Variants in TRIM49C observed in about 807,000 individuals in gnomAD.
The protein encoded by TRIM49C is tripartite motif containing 49C.
TRIM49C carries 6 observed loss-of-function variants against 21.4 expected under a neutral mutation model. That is an observed-to-expected ratio of 0.28 (90% CI 0.15 to 0.55). TRIM49C has a LOEUF of 0.55. TRIM49C is among the 20% of genes least tolerant of loss of function. The probability of loss-of-function intolerance (pLI) is 0.94; values close to 1 mark genes in which losing one functional copy is unlikely to be tolerated. For synonymous variants in TRIM49C, 57 were observed against 148.1 expected, an observed-to-expected ratio of 0.38 and a Z score of 4.47; for missense variants, 161 against 442.4, an observed-to-expected ratio of 0.36 and a Z score of 5.71.
the TRIM49C span, chr11:90,051,818 G>T: frequency 2.9e-6 from 1 of 345,278 alleles, no homozygotes; most frequent in Non-Finnish European, 5.2e-6. Context: ...CAAACCCCGT[G>T]TCAAGCACCC....
At chr11:90,039,741 T>A (rs3874091) in intron 6 of TRIM49C, 124 bp from the exon 7 acceptor site, 62,247 of 853,156 alleles carry the variant, frequency 0.073, 9,184 homozygotes, top group African/African-American at 0.21. Flanking sequence ...AAAGGAAGGA[T>A]TAATTTTTGA....
chr11:90,071,461 A>T, the TRIM49C span, among the ~76,000 whole-genome samples: 2 of 143,038 alleles, frequency 1.4e-5, no homozygotes, highest in Non-Finnish European at 1.5e-5. Context: ...CAGAATCATA[A>T]TTAGAGATCA....
At chr11:90,064,242 T>A in the TRIM49C span, among the ~76,000 whole-genome samples, 1 of 150,632 alleles carries the variant, frequency 6.6e-6, no homozygotes, top group Non-Finnish European at 1.5e-5. Context: ...TTAAATGTAA[T>A]TAATATCTAT....
At chr11:90,039,646 A>AG (rs1395542934) in intron 6 of TRIM49C, among the ~76,000 whole-genome samples, 3 of 131,670 alleles carry the variant, frequency 2.3e-5, no homozygotes, top group African/African-American at 8.4e-5. Flanking sequence ...TTTGGAGCAA[A>AG]AAAAAAAGAA....
the TRIM49C span, chr11:90,071,933 T>A: frequency 2.1e-5 from 9 of 429,874 alleles, no homozygotes; most frequent in Non-Finnish European, 3.4e-5. Context: ...ATAGTTTCAC[T>A]ATCATCAAAC....
At chr11:90,042,409 A>G (rs1950776896), downstream of TRIM49C, among the ~76,000 whole-genome samples, 1 of 133,586 alleles carries the variant, frequency 7.5e-6, no homozygotes, top group Non-Finnish European at 1.6e-5. Context: ...AGTAAAATAT[A>G]ATACATGTAT....
rs3914454 is a variant in TRIM49C at position 90,034,126 on chromosome 11, C to T, written c.-4-1082C>T. 1.1e-3 allele frequency among the ~76,000 whole-genome samples: 127 copies of T among 117,796 alleles called. 26 individuals are homozygous for T. The Middle Eastern group carries it at 0.024, about 22-fold the overall frequency. The allele number at this position is 117,796 out of a possible 152,430, so 77.3% of individuals were successfully genotyped here. ...CTCTAAGCTGGTGTCCTGAGAATACCGGTATCCTGGCTAAGCTCAAGTCTG... is the reference window on the plus strand; with the variant it reads ...CTCTAAGCTGGTGTCCTGAGAATACTGGTATCCTGGCTAAGCTCAAGTCTG... On this transcript the variant is annotated intron_variant, in intron 2 of 7. Coordinates refer to ENST00000448984, the MANE Select transcript of TRIM49C (RefSeq NM_001195234.1).
chr11:90,062,834 G>T, the TRIM49C span: 39 of 1,396,392 alleles, frequency 2.8e-5, 3 homozygotes, highest in East Asian at 8.8e-4. Flanking sequence ...AGATTTTTCT[G>T]CATGAAGGGC....
the TRIM49C span, among the ~76,000 whole-genome samples, chr11:90,048,193 C>T: frequency 2.0e-5 from 2 of 102,036 alleles, no homozygotes; most frequent in Non-Finnish European, 3.8e-5. Flanking sequence ...TGTCTGGTTG[C>T]CTGTAACATT....
At position 90,031,247 on chromosome 11, in the gene TRIM49C, A is replaced by G. The variant is rs1950685578; in HGVS notation, c.-191+3A>G. ...GCTTAAGCAGCCCCCACAATTGGGT[A>G]AGTCAAGTCTTTGCACTTAATTCAT... On this transcript the variant is annotated splice_donor_region_variant and intron_variant, in intron 1 of 7. Coordinates refer to ENST00000448984, the MANE Select transcript of TRIM49C (RefSeq NM_001195234.1). The G allele has an allele frequency of 7.5e-6, 1 of 132,776 alleles. No homozygotes were observed. The highest frequency in any genetic ancestry group is 1.6e-5 in the Non-Finnish European group (1 of 61,208). 8.2% of individuals were successfully genotyped at this position (132,776 alleles called of 1,614,324 possible).
chr11:90,073,091 G>A, the TRIM49C span: 2 of 693,250 alleles, frequency 2.9e-6, no homozygotes, highest in Non-Finnish European at 5.2e-6. Context: ...CAACTCTTGG[G>A]ACTGGGCTCT....
At chr11:90,065,704 C>T in the TRIM49C span, among the ~76,000 whole-genome samples, 2 of 140,846 alleles carry the variant, frequency 1.4e-5, 1 homozygote, top group African/African-American at 5.1e-5. Context: ...TGCCTGTAAT[C>T]CCAGCACTGT....
chr11:90,038,847 C>T, intron 6 of TRIM49C, 132 bp downstream of exon 6: 1 of 432,034 alleles, frequency 2.3e-6, no homozygotes, highest in Non-Finnish European at 4.2e-6. Flanking sequence ...TTCGTTCCCA[C>T]ACCTTAAAAG....
the TRIM49C span, among the ~76,000 whole-genome samples, chr11:90,069,544 A>G: frequency 3.0e-5 from 4 of 132,604 alleles, no homozygotes; most frequent in African/African-American, 1.1e-4. Context: ...CTAGCTTTTT[A>G]GGAAGCGATA....
At chr11:90,052,215 C>A in the TRIM49C span, 1 of 308,264 alleles carries the variant, frequency 3.2e-6, no homozygotes, top group African/African-American at 2.4e-5. Context: ...CTAGGCCAGG[C>A]CGCTTGTGCT....
intron 2 of TRIM49C, among the ~76,000 whole-genome samples, chr11:90,034,557 A>C (rs201019943): frequency 6.4e-5 from 8 of 125,380 alleles, no homozygotes; most frequent in East Asian, 2.4e-4. Context: ...TACTAGTGAA[A>C]CTTGATTGGT....
chr11:90,045,083 T>G (rs576847319), downstream of TRIM49C, among the ~76,000 whole-genome samples: 414 of 128,502 alleles, frequency 3.2e-3, 64 homozygotes, highest in Admixed American at 3.2e-3. Flanking sequence ...ATCAGATGGT[T>G]GTAGATATGT....
the TRIM49C span, among the ~76,000 whole-genome samples, chr11:90,049,204 CA>C: frequency 1.7e-5 from 2 of 120,882 alleles, 1 homozygote; most frequent in East Asian, 5.2e-4. Context: ...TTAGGCTACT[CA>C]GGGACCAACT....
intron 1 of TRIM49C, among the ~76,000 whole-genome samples, chr11:90,031,598 T>C (rs1256396003): frequency 6.6e-6 from 1 of 151,224 alleles, no homozygotes; most frequent in African/African-American, 2.4e-5. Context: ...ATAATTCCCG[T>C]GGTGCACTCC....
Sources: gnomAD v4.1 joint callset for allele counts (sites outside exome capture counted in the v4.1 genomes callset) on GRCh38, gnomAD v4.1.1 for gene constraint, MANE v1.5 for transcripts, NCBI Gene and HGNC (gene_info 2026-07-23, HGNC 2026-07-21) for gene names.